Variants in ADAMTS16 observed in about 807,000 individuals in gnomAD.
ADAMTS16 encodes the protein A disintegrin and metalloproteinase with thrombospondin motifs 16.
ADAMTS16 carries 94 observed loss-of-function variants against 145.8 expected under a neutral mutation model. The ratio of observed to expected loss-of-function variants is 0.64; its 90% CI spans 0.55 to 0.77. The LOEUF is 0.77. Ranked by LOEUF, ADAMTS16 falls within the 30% of genes least tolerant of loss-of-function variation. The pLI is 0.00. For synonymous variants in ADAMTS16, 659 were observed against 604.3 expected (o/e 1.09, Z -1.33); for missense variants, 1,585 against 1,591.5 (o/e 1.00, Z 0.07).
chr5:5,242,171 G>C lies in ADAMTS16; in HGVS notation c.2642G>C (p.Cys881Ser), dbSNP rs1405813845. 1.2e-6 allele frequency: 2 copies of C among 1,614,026 alleles called. No homozygotes were observed. Among genetic ancestry groups the C allele is most frequent in the South Asian group, 2.2e-5 (2 of 91,062 alleles). ...SYTWAIVRSE[C>S]SVSCGGGQMT... Reference sequence around the variant, plus strand: ...ACTTGGGCCATCGTGCGCTCTGAGTGCTCCGTGTCCTGCGGAGGGGGTAGG... The same window carrying C: ...ACTTGGGCCATCGTGCGCTCTGAGTCCTCCGTGTCCTGCGGAGGGGGTAGG... The change falls in exon 17 of 23, where the codon TGC (cysteine) becomes TCC (serine). Residue 881 changes from cysteine (C) to serine (S), a missense_variant. Physicochemically the swap from Cys to Ser is moderately radical, Grantham distance 112 (BLOSUM62 -1). Around this residue, in one of 3 missense-constraint regions of ADAMTS16, gnomAD observed 834 missense variants for 811.7 expected, o/e 1.03. Transcript: ENST00000274181.
intron 11 of ADAMTS16, among the ~76,000 whole-genome samples, chr5:5,229,143 A>T (rs1023237716): frequency 6.6e-6 from 1 of 151,124 alleles, no homozygotes; most frequent in African/African-American, 2.4e-5. Flanking sequence ...CTAAAAATAC[A>T]AAAAATTAGC....
At chr5:5,163,365 C>T (rs897310704) in intron 3 of ADAMTS16, among the ~76,000 whole-genome samples, 11 of 152,146 alleles carry the variant, frequency 7.2e-5, no homozygotes, top group East Asian at 5.8e-4. Context: ...TTGTGGTTAC[C>T]GCATCATCTG....
At chr5:5,213,287 G>A (rs1002753153) in intron 10 of ADAMTS16, among the ~76,000 whole-genome samples, 2 of 152,084 alleles carry the variant, frequency 1.3e-5, no homozygotes, top group East Asian at 3.9e-4. Flanking sequence ...ACTTCCTTTA[G>A]CATTTATTCT....
At chr5:5,200,886 A>G (rs978196267) in intron 9 of ADAMTS16, among the ~76,000 whole-genome samples, 3 of 152,210 alleles carry the variant, frequency 2.0e-5, no homozygotes, top group Non-Finnish European at 4.4e-5. Flanking sequence ...TTGGGGAGGT[A>G]GGGTTTGATC....
rs1334306890 is a variant in ADAMTS16 at position 5,317,319 on chromosome 5, G to A, written c.3412-815G>A. Among the ~76,000 whole-genome samples the A allele has an allele frequency of 2.0e-5, 3 of 152,160 alleles. No individual in the cohort carries two copies. The highest frequency in any genetic ancestry group is 4.4e-5 in the Non-Finnish European group (3 of 68,032). On this transcript the variant is annotated intron_variant, in intron 21 of 22. Coordinates refer to ENST00000274181, the MANE Select transcript of ADAMTS16 (RefSeq NM_139056.4). This position sits in a 1 kb window ranked among gnomAD's most constrained non-coding sequence, Gnocchi z 4.5. ...GGATCTAAGTTTGTTCTTCCTTGCT[G>A]CCTGTAATTTGAGGAGATAATATGC...
intron 20 of ADAMTS16, among the ~76,000 whole-genome samples, chr5:5,304,016 G>A (rs1475716324): frequency 6.6e-6 from 1 of 152,168 alleles, no homozygotes; most frequent in Non-Finnish European, 1.5e-5. Context: ...TGGAGCAGAG[G>A]ACGAGAGGGT....
intron 18 of ADAMTS16, among the ~76,000 whole-genome samples, chr5:5,272,118 A>AC (rs1359319807): frequency 1.3e-5 from 2 of 152,134 alleles, no homozygotes; most frequent in African/African-American, 4.8e-5. Flanking sequence ...TGCACCCGTT[A>AC]CCAAGGGAAT....
intron 21 of ADAMTS16, among the ~76,000 whole-genome samples, chr5:5,312,297 G>T (rs2126532957): frequency 6.6e-6 from 1 of 152,248 alleles, no homozygotes; most frequent in African/African-American, 2.4e-5. Flanking sequence ...ATAAATAATT[G>T]AAATTAAATT....
chr5:5,293,130 T>C (rs914890419), intron 18 of ADAMTS16, among the ~76,000 whole-genome samples: 2 of 152,238 alleles, frequency 1.3e-5, no homozygotes, highest in Non-Finnish European at 2.9e-5. Flanking sequence ...GTCAGGAAGA[T>C]GCTCTGATGG....
intron 2 of ADAMTS16, among the ~76,000 whole-genome samples, chr5:5,141,001 A>G (rs1734152677): frequency 6.6e-6 from 1 of 152,154 alleles, no homozygotes; most frequent in South Asian, 2.1e-4. Context: ...TTGATATAAC[A>G]TTAGGAAAAA....
intron 18 of ADAMTS16, among the ~76,000 whole-genome samples, chr5:5,266,820 C>T (rs558570348): frequency 4.6e-5 from 7 of 152,190 alleles, no homozygotes; most frequent in Non-Finnish European, 1.0e-4. Context: ...TTTGCTGTTT[C>T]TATATCATCT....
chr5:5,187,776 A>C lies in ADAMTS16; in HGVS notation c.1015A>C (p.Ile339Leu), dbSNP rs1236189982. Residue 339 changes from isoleucine (I) to leucine (L), a missense_variant, in exon 6 of 23, where the codon ATT becomes CTT. Ile to Leu is a conservative substitution (Grantham distance 5, BLOSUM62 2). Coordinates refer to ENST00000274181, the MANE Select transcript of ADAMTS16 (RefSeq NM_139056.4). The part of the protein sequence containing the change: ...GTIGGNINIA[I>L]VGLILLEDEQ... ...AATAGGAGGAAACATCAACATTGCA[A>C]TTGTAGGTCTGATTCTTCTAGAAGA... 6 of 1,611,758 alleles carry C rather than the reference A, an allele frequency of 3.7e-6. No individual in the cohort carries two copies. In the South Asian group the frequency reaches 6.6e-5, roughly 18 times the overall value.
At position 5,317,498 on chromosome 5, in the gene ADAMTS16, G is replaced by A. The variant is rs1464698297; in HGVS notation, c.3412-636G>A. 2.6e-5 allele frequency among the ~76,000 whole-genome samples: 4 copies of A among 152,050 alleles called. No homozygotes were observed. The highest frequency in any genetic ancestry group is 4.8e-5 in the African/African-American group (2 of 41,386). ...CAACCTCTGCCTCCCAGGTTCAGGC[G>A]ATTCTCATGCCTCAGCTTCCCAAGT... On this transcript the variant is annotated intron_variant, in intron 21 of 22. Transcript: ENST00000274181. The surrounding 1 kb of genome is among the most constrained non-coding windows in gnomAD (Gnocchi z 4.5).
At chr5:5,315,847 A>G (rs1339673618) in intron 21 of ADAMTS16, among the ~76,000 whole-genome samples, 1 of 152,244 alleles carries the variant, frequency 6.6e-6, no homozygotes, top group African/African-American at 2.4e-5. Flanking sequence ...CCGTAGTCAT[A>G]TATTGTTGGC....
At chr5:5,287,996 A>G (rs1403966295) in intron 18 of ADAMTS16, among the ~76,000 whole-genome samples, 1 of 152,188 alleles carries the variant, frequency 6.6e-6, no homozygotes. Flanking sequence ...GGAGAAGATC[A>G]TTTCTAAGTA....
intron 8 of ADAMTS16, among the ~76,000 whole-genome samples, chr5:5,194,116 A>T (rs1400904501): frequency 2.0e-5 from 3 of 152,164 alleles, no homozygotes; most frequent in African/African-American, 7.2e-5. Context: ...AAAAATAAAA[A>T]TAAGCCCTGC....
chr5:5,163,651 T>C (rs1308004538), intron 3 of ADAMTS16, among the ~76,000 whole-genome samples: 1 of 152,194 alleles, frequency 6.6e-6, no homozygotes, highest in Non-Finnish European at 1.5e-5. Flanking sequence ...ATGTCTTTAG[T>C]CTGTGTCAGT....
At position 5,252,070 on chromosome 5, in the gene ADAMTS16, T is replaced by C. The variant is rs200027880; in HGVS notation, c.2662+9879T>C. Reference sequence around the variant, plus strand: ...TTCACCGTGTTAGCCAGGATGGTCTTGATCTCCTGACTTCGTGATCCGCCC... The same window carrying C: ...TTCACCGTGTTAGCCAGGATGGTCTCGATCTCCTGACTTCGTGATCCGCCC... On this transcript the variant is annotated intron_variant, in intron 17 of 22. Coordinates refer to ENST00000274181, the MANE Select transcript of ADAMTS16 (RefSeq NM_139056.4). Among the ~76,000 whole-genome samples, 35 of 152,254 alleles carry C rather than the reference T, an allele frequency of 2.3e-4. No individual in the cohort carries two copies. In the Middle Eastern group the frequency reaches 0.01, roughly 44 times the overall value.
At chr5:5,213,775 G>A (rs1736340338) in intron 10 of ADAMTS16, among the ~76,000 whole-genome samples, 3 of 152,098 alleles carry the variant, frequency 2.0e-5, no homozygotes, top group Admixed American at 2.0e-4. Context: ...GTTTCTCCCA[G>A]CCCTATGCAT....
Sources: gnomAD v4.1 joint callset for allele counts (sites outside exome capture counted in the v4.1 genomes callset) on GRCh38, gnomAD v4.1.1 for gene constraint, gnomAD v4.1.1 regional missense constraint, Gnocchi (gnomAD v3.1) non-coding constraint, MANE v1.5 for transcripts, NCBI Gene and HGNC (gene_info 2026-07-23, HGNC 2026-07-21) for gene names.